The following SLC41A2 variants were observed in gnomAD, a reference collection of about 807,000 sequenced individuals.
The protein encoded by SLC41A2 is solute carrier family 41 member 2.
SLC41A2 carries 32 observed loss-of-function variants against 58.3 expected under a neutral mutation model. The ratio of observed to expected loss-of-function variants is 0.55; its 90% CI spans 0.41 to 0.74. The LOEUF (loss-of-function observed/expected upper bound fraction) is 0.74. Ranked by LOEUF, SLC41A2 falls within the 30% of genes least tolerant of loss-of-function variation. SLC41A2 has a pLI of 0.00. For synonymous variants in SLC41A2, 190 were observed against 235.0 expected (o/e 0.81, Z 1.75); for missense variants, 514 against 680.6 (o/e 0.76, Z 2.72).
chr12:104,900,818 G>A (rs74408435), intron 3 of SLC41A2, among the ~76,000 whole-genome samples: 1,891 of 152,224 alleles, frequency 0.012, 51 homozygotes, highest in African/African-American at 0.044. Flanking sequence ...AATTATCTAG[G>A]TTTTAATTTG....
In SLC41A2 at chr12:104,897,869, T is replaced by G. The variant is rs142542387; in HGVS notation, c.664-2524A>C. 2.9e-3 allele frequency among the ~76,000 whole-genome samples: 435 copies of G among 152,322 alleles called. 1 individual carries two copies. The highest frequency in any genetic ancestry group is 9.8e-3 in the African/African-American group (407 of 41,560). ...GTAAAAACTACATCAACAGTTGTGC[T>G]GACCCATCCTACTGTCCAGTGGTTT... On this transcript the variant is annotated intron_variant, in intron 3 of 10. Transcript: ENST00000258538.
In SLC41A2 at chr12:104,804,386, C is replaced by A. The variant is rs954356318; in HGVS notation, c.*766G>T. 1 of 151,970 alleles carries A rather than the reference C, an allele frequency of 6.6e-6. No homozygotes were observed. Among genetic ancestry groups the A allele is most frequent in the African/African-American group, 2.4e-5 (1 of 41,390 alleles). The allele number at this position is 151,970 out of a possible 1,614,324, so 9.4% of individuals were successfully genotyped here. The stretch of plus-strand genomic sequence containing the variant: ...CACACATTCTCGTACCGTCTTGTCT[C>A]TACAAATGCATCTCAGGTTATATTC... On this transcript the variant is annotated 3_prime_UTR_variant, in exon 11 of 11. Coordinates refer to ENST00000258538, the MANE Select transcript of SLC41A2 (RefSeq NM_001352171.3).
In SLC41A2 at chr12:104,928,530, T is replaced by C. The variant is rs1565909395; in HGVS notation, c.-3A>G. ...GATCTTCCTTTACTATTAGTCATATTGTCATCACAAAAGACCCTGTACTCC... is the reference window on the plus strand; with the variant it reads ...GATCTTCCTTTACTATTAGTCATATCGTCATCACAAAAGACCCTGTACTCC... On this transcript the variant is annotated 5_prime_UTR_variant, in exon 2 of 11. Coordinates refer to ENST00000258538, the MANE Select transcript of SLC41A2 (RefSeq NM_001352171.3). 6.7e-7 allele frequency: 1 copy of C among 1,482,632 alleles called. No homozygotes were observed. The highest frequency in any genetic ancestry group is 9.0e-7 in the Non-Finnish European group (1 of 1,114,922). The allele number at this position is 1,482,632 out of a possible 1,614,324, so 91.8% of individuals were successfully genotyped here.
At chr12:104,926,046 T>C (rs1390104857) in intron 2 of SLC41A2, among the ~76,000 whole-genome samples, 1 of 152,228 alleles carries the variant, frequency 6.6e-6, no homozygotes, top group African/African-American at 2.4e-5. Context: ...ATGTTTCTAT[T>C]TATGTATATT....
chr12:104,915,053 T>A (rs2046254373), intron 2 of SLC41A2, among the ~76,000 whole-genome samples: 1 of 152,204 alleles, frequency 6.6e-6, no homozygotes, highest in Non-Finnish European at 1.5e-5. Context: ...ATACCTAACT[T>A]TGCACATGCA....
Position 104,921,146 on chromosome 12 carries a change from G to A in SLC41A2, c.555+6827C>T, listed in dbSNP as rs114763794. ...TCTACAAGCTATAAAAAACTACCTT[G>A]AAAGACGAAATCTAATAATTATTCA... On this transcript the variant is annotated intron_variant, in intron 2 of 10. Transcript: ENST00000258538. 6.7e-3 allele frequency among the ~76,000 whole-genome samples: 1,018 copies of A among 151,942 alleles called. 14 individuals are homozygous for A. Among genetic ancestry groups the A allele is most frequent in the African/African-American group, 0.023 (947 of 41,484 alleles).
chr12:104,883,824 C>T (rs991880901), intron 6 of SLC41A2, among the ~76,000 whole-genome samples: 1 of 152,202 alleles, frequency 6.6e-6, no homozygotes, highest in East Asian at 1.9e-4. Context: ...GCAGTCTGTC[C>T]GTTCTCAGAT....
Position 104,882,373 on chromosome 12 carries a change from G to GT in SLC41A2, c.1027+3919dup, listed in dbSNP as rs201632691. On this transcript the variant is annotated intron_variant, in intron 6 of 10. Transcript: ENST00000258538. Reference sequence around the variant, plus strand: ...GATCCTGTCATCATGATGTTCGCTGGTTTTTTTTGCCCATTAATTGATGCA... The same window carrying GT: ...GATCCTGTCATCATGATGTTCGCTGGTTTTTTTTTGCCCATTAATTGATGCA... Among the ~76,000 whole-genome samples the GT allele has an allele frequency of 5.3e-5, 8 of 151,678 alleles. No individual in the cohort carries two copies. In the East Asian group the frequency reaches 5.8e-4, roughly 11 times the overall value.
At chr12:104,858,303 T>C (rs2043089465) in intron 8 of SLC41A2, among the ~76,000 whole-genome samples, 1 of 152,092 alleles carries the variant, frequency 6.6e-6, no homozygotes, top group African/African-American at 2.4e-5. Context: ...AGTAGCTGCA[T>C]ATTTTGAGAA....
chr12:104,814,401 CA>C (rs982282483), intron 10 of SLC41A2, among the ~76,000 whole-genome samples: 2 of 151,892 alleles, frequency 1.3e-5, no homozygotes, highest in Non-Finnish European at 2.9e-5. Context: ...AACAAACAAA[CA>C]AAAAAACACT....
intron 10 of SLC41A2, among the ~76,000 whole-genome samples, chr12:104,808,234 A>T (rs2136190990): frequency 6.6e-6 from 1 of 152,334 alleles, no homozygotes; most frequent in African/African-American, 2.4e-5. Flanking sequence ...ATTTTGAGAT[A>T]TGTCCCATCA....
In SLC41A2 at chr12:104,802,984, C is replaced by T. The variant is rs1048008752; in HGVS notation, c.*2168G>A. The T allele has an allele frequency of 1.3e-5, 2 of 152,042 alleles. No individual in the cohort carries two copies. The highest frequency in any genetic ancestry group is 2.4e-5 in the African/African-American group (1 of 41,408). The allele number at this position is 152,042 out of a possible 1,614,324, so 9.4% of individuals were successfully genotyped here. On this transcript the variant is annotated 3_prime_UTR_variant, in exon 11 of 11. Transcript: ENST00000258538. ...TTAGAAATGTAAGTTCTCTGAATTT[C>T]GGTTTCCTCTGCTGTAAAATAGAGA...
At chr12:104,904,866 G>A (rs1055263391) in intron 3 of SLC41A2, among the ~76,000 whole-genome samples, 2 of 152,190 alleles carry the variant, frequency 1.3e-5, no homozygotes, top group African/African-American at 4.8e-5. Flanking sequence ...GACCCAAAGA[G>A]TGAGCAGTAG....
chr12:104,920,740 C>T (rs1224217716), intron 2 of SLC41A2, among the ~76,000 whole-genome samples: 1 of 151,606 alleles, frequency 6.6e-6, no homozygotes, highest in African/African-American at 2.4e-5. Flanking sequence ...CTGGCTAACA[C>T]AGTGAAACCC....
At chr12:104,912,925 C>A (rs187960421) in intron 2 of SLC41A2, among the ~76,000 whole-genome samples, 56 of 152,140 alleles carry the variant, frequency 3.7e-4, no homozygotes, top group Non-Finnish European at 7.2e-4. Context: ...AAAACCCCCA[C>A]ACATTTGGTC....
intron 4 of SLC41A2, among the ~76,000 whole-genome samples, chr12:104,892,846 C>A (rs559542901): frequency 6.6e-6 from 1 of 152,176 alleles, no homozygotes; most frequent in Admixed American, 6.5e-5. Context: ...CTACAAAAAT[C>A]AAATCAAAAT....
At chr12:104,923,339 G>A (rs1404106460) in intron 2 of SLC41A2, among the ~76,000 whole-genome samples, 1 of 145,482 alleles carries the variant, frequency 6.9e-6, no homozygotes, top group Non-Finnish European at 1.5e-5. Flanking sequence ...TCCAGCCTGG[G>A]CAACAGAGTG....
intron 3 of SLC41A2, among the ~76,000 whole-genome samples, chr12:104,902,545 G>A (rs2045614051): frequency 6.6e-6 from 1 of 152,132 alleles, no homozygotes; most frequent in African/African-American, 2.4e-5. Context: ...ACAGATCTGA[G>A]AACAGCAATG....
At chr12:104,849,875 C>G (rs1473219979) in intron 8 of SLC41A2, among the ~76,000 whole-genome samples, 3 of 152,140 alleles carry the variant, frequency 2.0e-5, no homozygotes, top group Admixed American at 6.5e-5. Context: ...GATATGCATA[C>G]TCTACAATCT....
Sources: gnomAD v4.1 joint callset for allele counts (sites outside exome capture counted in the v4.1 genomes callset) on GRCh38, gnomAD v4.1.1 for gene constraint, MANE v1.5 for transcripts, NCBI Gene and HGNC (gene_info 2026-07-23, HGNC 2026-07-21) for gene names.